SLC35F3: variants seen among roughly 807,000 people sequenced by gnomAD.
The protein encoded by SLC35F3 is solute carrier family 35 member F3.
SLC35F3 carries 25 observed loss-of-function variants against 49.9 expected under a neutral mutation model. The observed-to-expected ratio is 0.50, with a 90% CI of 0.37 to 0.70. The LOEUF is 0.70. SLC35F3 is among the 30% of genes least tolerant of loss of function. The pLI is 0.00. For missense variants in SLC35F3, 525 were observed against 639.8 expected (o/e 0.82, Z 1.94); for synonymous variants, 275 against 265.4 (o/e 1.04, Z -0.35).
intron 2 of SLC35F3, among the ~76,000 whole-genome samples, chr1:233,920,840 G>A (rs1342407055): frequency 6.6e-6 from 1 of 152,224 alleles, no homozygotes; most frequent in African/African-American, 2.4e-5. Context: ...CTCTGACCAA[G>A]AGCCAGCAAA....
chr1:234,118,879 T>C (rs1270373015), intron 2 of SLC35F3, among the ~76,000 whole-genome samples: 1 of 146,222 alleles, frequency 6.8e-6, no homozygotes, highest in Non-Finnish European at 1.5e-5. Flanking sequence ...TTTCTTTTTT[T>C]CTTTTCTTTT....
At chr1:234,009,800 G>C (rs552111458) in intron 2 of SLC35F3, among the ~76,000 whole-genome samples, 39 of 152,280 alleles carry the variant, frequency 2.6e-4, no homozygotes, top group Non-Finnish European at 5.4e-4. Context: ...ACTATCAGCA[G>C]ATTGCTCAGC....
chr1:233,910,422 G>A (rs72751790), intron 2 of SLC35F3, among the ~76,000 whole-genome samples: 1,878 of 152,310 alleles, frequency 0.012, 16 homozygotes, highest in Non-Finnish European at 0.019. Context: ...CAGGATGAAG[G>A]AACATCTGCG....
intron 2 of SLC35F3, among the ~76,000 whole-genome samples, chr1:234,110,206 C>T (rs1665386281): frequency 1.3e-5 from 2 of 152,164 alleles, no homozygotes. Flanking sequence ...AGGAAGATCA[C>T]TTCAGATCCT....
chr1:234,263,415 C>T (rs1158152410), intron 3 of SLC35F3, among the ~76,000 whole-genome samples: 1 of 152,040 alleles, frequency 6.6e-6, no homozygotes, highest in Non-Finnish European at 1.5e-5. Context: ...GTTCCACCTC[C>T]CTTGTGAAAT....
intron 2 of SLC35F3, among the ~76,000 whole-genome samples, chr1:234,092,873 A>G (rs1013205378): frequency 2.0e-5 from 3 of 152,200 alleles, no homozygotes; most frequent in African/African-American, 7.2e-5. Context: ...GTCTCTAAAA[A>G]AGAAAATTAA....
intron 2 of SLC35F3, among the ~76,000 whole-genome samples, chr1:233,916,683 G>C (rs769312229): frequency 6.6e-6 from 1 of 152,186 alleles, no homozygotes; most frequent in Non-Finnish European, 1.5e-5. Flanking sequence ...TGTTCTATCC[G>C]CAACTGACAT....
At chr1:234,002,895 C>T (rs533764783) in intron 2 of SLC35F3, among the ~76,000 whole-genome samples, 8 of 152,290 alleles carry the variant, frequency 5.3e-5, no homozygotes, top group Non-Finnish European at 1.2e-4. Context: ...TACAACCTGA[C>T]ACTATTTATT....
At chr1:234,281,218 T>C (rs972382007) in intron 3 of SLC35F3, among the ~76,000 whole-genome samples, 1 of 152,116 alleles carries the variant, frequency 6.6e-6, no homozygotes, top group African/African-American at 2.4e-5. Flanking sequence ...GTCTGACAGG[T>C]GTGCCTATAA....
chr1:234,302,657 A>G (rs1011958961), intron 3 of SLC35F3, among the ~76,000 whole-genome samples: 1 of 152,140 alleles, frequency 6.6e-6, no homozygotes, highest in Non-Finnish European at 1.5e-5. Context: ...ACTGAGGAAT[A>G]AGCCCAGGCT....
At chr1:234,021,514 A>G (rs1034819807) in intron 2 of SLC35F3, among the ~76,000 whole-genome samples, 3 of 152,254 alleles carry the variant, frequency 2.0e-5, no homozygotes, top group South Asian at 4.1e-4. Flanking sequence ...TTGTTTGTTC[A>G]TCAAAGCCAT....
chr1:234,065,937 TGTC>T (rs1420494959), intron 2 of SLC35F3, among the ~76,000 whole-genome samples: 1 of 152,206 alleles, frequency 6.6e-6, no homozygotes, highest in African/African-American at 2.4e-5. Flanking sequence ...GGGGTGACGT[TGTC>T]GTGAGGTCAG....
intron 2 of SLC35F3, among the ~76,000 whole-genome samples, chr1:233,976,616 T>A (rs1663087400): frequency 6.6e-6 from 1 of 151,388 alleles, no homozygotes; most frequent in Non-Finnish European, 1.5e-5. Flanking sequence ...GGTACTCAAT[T>A]TTTTTTTTTC....
chr1:234,028,288 G>C (rs1646879604), intron 2 of SLC35F3, among the ~76,000 whole-genome samples: 1 of 152,200 alleles, frequency 6.6e-6, no homozygotes, highest in Non-Finnish European at 1.5e-5. Context: ...TAGAGGTGGA[G>C]CCACTGTGTG....
chr1:234,281,252 G>C (rs2102980986), intron 3 of SLC35F3, among the ~76,000 whole-genome samples: 1 of 152,352 alleles, frequency 6.6e-6, no homozygotes, highest in East Asian at 1.9e-4. Context: ...AGACACAGAA[G>C]GGTGATGGTA....
chr1:234,286,184 G>A (rs1245981355), intron 3 of SLC35F3, among the ~76,000 whole-genome samples: 1 of 152,190 alleles, frequency 6.6e-6, no homozygotes, highest in Admixed American at 6.5e-5. Flanking sequence ...GCTCAGAGAG[G>A]AAAATTAACT....
At chr1:233,919,753 C>G (rs1404628522) in intron 2 of SLC35F3, among the ~76,000 whole-genome samples, 1 of 152,158 alleles carries the variant, frequency 6.6e-6, no homozygotes, top group Non-Finnish European at 1.5e-5. Flanking sequence ...TGTCCTTCCC[C>G]CCGGCTACCA....
intron 2 of SLC35F3, among the ~76,000 whole-genome samples, chr1:234,071,535 G>A (rs1664712098): frequency 6.6e-6 from 1 of 152,140 alleles, no homozygotes; most frequent in African/African-American, 2.4e-5. Context: ...TCTCACCTCT[G>A]ATAGGAGTAG....
chr1:233,969,259 A>G (rs2102816231), intron 2 of SLC35F3, among the ~76,000 whole-genome samples: 1 of 152,328 alleles, frequency 6.6e-6, no homozygotes, highest in Admixed American at 6.5e-5. Flanking sequence ...GAGGATCTAA[A>G]GGGGCTATAG....
Sources: gnomAD v4.1 joint callset for allele counts (sites outside exome capture counted in the v4.1 genomes callset) on GRCh38, gnomAD v4.1.1 for gene constraint, MANE v1.5 for transcripts, NCBI Gene and HGNC (gene_info 2026-07-23, HGNC 2026-07-21) for gene names.